STXBP5L: variants seen among roughly 807,000 people sequenced by gnomAD.
STXBP5L encodes the protein syntaxin binding protein 5L.
In STXBP5L, 65 loss-of-function variants were observed where a neutral mutation model predicts 144.5. The ratio of observed to expected loss-of-function variants is 0.45; its 90% confidence interval spans 0.37 to 0.55. The LOEUF is 0.55. STXBP5L is among the 20% of genes least tolerant of loss of function. The probability of loss-of-function intolerance (pLI) is 0.00; values close to 1 mark genes in which losing one functional copy is unlikely to be tolerated. For missense variants in STXBP5L, 1,298 were observed against 1,405.5 expected, an observed-to-expected ratio of 0.92 and a Z score of 1.22; for synonymous variants, 505 against 469.6, an observed-to-expected ratio of 1.08 and a Z score of -0.97.
At chr3:121,121,758 AG>A in intron 7 of STXBP5L, 54 bp downstream of exon 7, 1 of 1,365,812 alleles carries the variant, frequency 7.3e-7, no homozygotes, top group South Asian at 1.2e-5. Context: ...TCTTGAAAAA[AG>A]GTGTTTCTTA....
At chr3:121,284,331 C>G (rs2051160733) in intron 19 of STXBP5L, among the ~76,000 whole-genome samples, 1 of 151,960 alleles carries the variant, frequency 6.6e-6, no homozygotes, top group African/African-American at 2.4e-5. Flanking sequence ...TCTGGAAATG[C>G]CCTGCTAAAA....
chr3:121,411,877 C>G (rs1484005993), intron 23 of STXBP5L, among the ~76,000 whole-genome samples: 1 of 152,130 alleles, frequency 6.6e-6, no homozygotes, highest in Non-Finnish European at 1.5e-5. Context: ...ACCAAGTATG[C>G]AGTCAGACAC....
intron 9 of STXBP5L, among the ~76,000 whole-genome samples, chr3:121,174,091 G>A (rs1293136779): frequency 1.3e-5 from 2 of 152,098 alleles, no homozygotes; most frequent in Non-Finnish European, 2.9e-5. Context: ...TGCTGCAATA[G>A]CAATAGGAGG....
intron 19 of STXBP5L, among the ~76,000 whole-genome samples, chr3:121,314,549 C>A (rs1268869848): frequency 1.3e-4 from 19 of 147,504 alleles, no homozygotes; most frequent in Non-Finnish European, 2.1e-4. Context: ...GCAGCAGTAC[C>A]GTCCAGCTTT....
chr3:121,043,975 A>T (rs1481094635), intron 4 of STXBP5L, among the ~76,000 whole-genome samples: 1 of 152,196 alleles, frequency 6.6e-6, no homozygotes, highest in Non-Finnish European at 1.5e-5. Context: ...AGTGTAACTC[A>T]TCAAATGCTT....
intron 20 of STXBP5L, among the ~76,000 whole-genome samples, chr3:121,354,758 C>T (rs2045439179): frequency 6.6e-6 from 1 of 151,978 alleles, no homozygotes; most frequent in Non-Finnish European, 1.5e-5. Context: ...TTATTTTGCC[C>T]GTTAACTGAT....
chr3:120,998,779 A>G (rs1943549867), intron 3 of STXBP5L, among the ~76,000 whole-genome samples: 1 of 152,200 alleles, frequency 6.6e-6, no homozygotes, highest in Non-Finnish European at 1.5e-5. Flanking sequence ...TAGCCACAAA[A>G]TGAACAAAAA....
intron 9 of STXBP5L, among the ~76,000 whole-genome samples, chr3:121,179,380 A>G (rs994589866): frequency 2.6e-5 from 4 of 152,182 alleles, no homozygotes; most frequent in Non-Finnish European, 2.9e-5. Context: ...ACATAAAAGT[A>G]TGATCCATAA....
rs562248754 is a variant in STXBP5L, at chr3:121,352,311, C to T, written c.2177-26405C>T. 3.3e-5 allele frequency among the ~76,000 whole-genome samples: 5 copies of T among 152,216 alleles called. No homozygotes were observed. In the East Asian group the frequency reaches 9.6e-4, roughly 29 times the overall value. ...TTTCACGATATTGATTCTTCCTATC[C>T]ATGAGTATGGAATGTTCTTCCATTT... On this transcript the variant is annotated intron_variant, in intron 20 of 26. Coordinates refer to ENST00000471454, the MANE Select transcript of STXBP5L (RefSeq NM_001308330.2).
chr3:121,233,885 G>A (rs1387329287), intron 12 of STXBP5L, among the ~76,000 whole-genome samples, 197 bp downstream of exon 12: 1 of 152,130 alleles, frequency 6.6e-6, no homozygotes, highest in Admixed American at 6.6e-5. Context: ...ACAACTTAAA[G>A]GCAGCACCTG....
intron 9 of STXBP5L, among the ~76,000 whole-genome samples, chr3:121,196,555 G>A (rs1488429939): frequency 2.0e-5 from 3 of 151,812 alleles, no homozygotes; most frequent in African/African-American, 4.8e-5. Flanking sequence ...TCATTAATTT[G>A]TGCTATAATC....
intron 18 of STXBP5L, among the ~76,000 whole-genome samples, chr3:121,273,080 C>T (rs1282087451): frequency 6.6e-6 from 1 of 152,014 alleles, no homozygotes; most frequent in African/African-American, 2.4e-5. Context: ...GTGAATTTAA[C>T]TATAAATTTA....
At chr3:120,976,995 G>A (rs933991694) in intron 3 of STXBP5L, among the ~76,000 whole-genome samples, 2 of 152,084 alleles carry the variant, frequency 1.3e-5, no homozygotes, top group African/African-American at 4.8e-5. Flanking sequence ...TAGGTGTGGT[G>A]TGGTGCTGAA....
At chr3:121,355,155 A>G (rs755723218) in intron 20 of STXBP5L, among the ~76,000 whole-genome samples, 31 of 152,050 alleles carry the variant, frequency 2.0e-4, no homozygotes, top group Admixed American at 9.2e-4. Flanking sequence ...GAATCTGACA[A>G]TTATGTTCCT....
intron 5 of STXBP5L, among the ~76,000 whole-genome samples, chr3:121,105,664 T>C (rs2043668256): frequency 6.6e-6 from 1 of 151,412 alleles, no homozygotes; most frequent in Non-Finnish European, 1.5e-5. Context: ...TAAATAACTT[T>C]TGATTTAAAA....
chr3:121,055,678 T>C (rs1179407937), intron 5 of STXBP5L, among the ~76,000 whole-genome samples: 1 of 150,536 alleles, frequency 6.6e-6, no homozygotes, highest in Non-Finnish European at 1.5e-5. Flanking sequence ...CCCAGCTATT[T>C]TTTTTTTAAA....
chr3:121,321,958 G>A (rs2043985164), intron 20 of STXBP5L, among the ~76,000 whole-genome samples: 1 of 152,184 alleles, frequency 6.6e-6, no homozygotes, highest in African/African-American at 2.4e-5. Context: ...CACCCCGGCA[G>A]TGAGCATAGT....
chr3:121,304,515 T>G (rs1312824950), intron 19 of STXBP5L, among the ~76,000 whole-genome samples: 1 of 152,148 alleles, frequency 6.6e-6, no homozygotes, highest in East Asian at 1.9e-4. Context: ...TTAAATAGAA[T>G]GTGTTCTCTG....
intron 2 of STXBP5L, among the ~76,000 whole-genome samples, chr3:120,927,248 A>T (rs1709688537): frequency 6.6e-6 from 1 of 152,060 alleles, no homozygotes; most frequent in African/African-American, 2.4e-5. Context: ...TTTTCTGATA[A>T]ATTTCTTAAT....
Sources: allele counts gnomAD v4.1 joint callset (sites outside exome capture counted in the v4.1 genomes callset), GRCh38; gene constraint gnomAD v4.1.1; transcripts MANE v1.5; gene names NCBI Gene and HGNC (gene_info 2026-07-23, HGNC 2026-07-21).